The following NNT variants were observed in gnomAD, a reference collection of about 807,000 sequenced individuals.
NNT encodes NAD(P) transhydrogenase, mitochondrial.
A neutral mutation model predicts 104.8 loss-of-function variants in NNT; 50 were observed. The observed-to-expected ratio is 0.48, with a 90% confidence interval of 0.38 to 0.60. The LOEUF (loss-of-function observed/expected upper bound fraction) is 0.60, where lower values mean the gene tolerates loss of function less well. Ranked by LOEUF, NNT falls within the 20% of genes least tolerant of loss-of-function variation. The pLI, the probability that NNT is intolerant of heterozygous loss-of-function variation, is 0.00. For synonymous variants in NNT, 461 were observed against 490.4 expected (o/e 0.94, Z 0.79); for missense variants, 1,131 against 1,330.7 (o/e 0.85, Z 2.33).
chr5:43,692,166 TTA>T (rs1304215468), intron 19 of NNT, among the ~76,000 whole-genome samples: 1 of 151,880 alleles, frequency 6.6e-6, no homozygotes, highest in Non-Finnish European at 1.5e-5. Context: ...ATTGACGTAG[TTA>T]TCAAATAAAG....
In NNT at chr5:43,649,161, C is replaced by T; in HGVS notation, c.1459C>T (p.Leu487=). Residue 487 remains leucine (L), a synonymous_variant, in exon 11 of 22, where the codon CTG becomes TTG. Coordinates refer to ENST00000344920, the MANE Select transcript of NNT (RefSeq NM_182977.3). ...TCTTTCTCTAGGTCTCACAGGGATA[C>T]TGGGTTTGGGCATTGCGGCTCCCAA... ...SAYTAGLTGI[L]GLGIAAPNLA... is the part of the protein sequence containing the mutation. The T allele has an allele frequency of 6.2e-7, 1 of 1,614,120 alleles. No individual in the cohort carries two copies. The highest frequency in any genetic ancestry group is 8.5e-7 in the Non-Finnish European group (1 of 1,179,994).
chr5:43,675,455 T>A (rs957407761), intron 17 of NNT, 56 bp from the exon 18 acceptor site: 1 of 1,480,610 alleles, frequency 6.8e-7, no homozygotes, highest in Admixed American at 2.0e-5. Flanking sequence ...ACATTTGTAC[T>A]ATTCTCACAA....
intron 7 of NNT, among the ~76,000 whole-genome samples, chr5:43,634,541 C>CT (rs1162336931): frequency 2.0e-5 from 3 of 152,104 alleles, no homozygotes; most frequent in Non-Finnish European, 4.4e-5. Context: ...TTTTATATTA[C>CT]TTTTTTTGTT....
At chr5:43,642,770 A>C (rs1305524016) in intron 7 of NNT, among the ~76,000 whole-genome samples, 2 of 152,212 alleles carry the variant, frequency 1.3e-5, no homozygotes, top group African/African-American at 4.8e-5. Context: ...AGTACTACAT[A>C]AACACTTCAC....
chr5:43,661,945 T>G (rs1740391632), intron 17 of NNT, among the ~76,000 whole-genome samples: 1 of 152,120 alleles, frequency 6.6e-6, no homozygotes, highest in African/African-American at 2.4e-5. Flanking sequence ...GATGGCTGGG[T>G]CAAATGGTAT....
rs200587159 is a variant in NNT at position 43,616,039 on chromosome 5, G to A, written c.573G>A (p.Ala191=). 8 of 1,613,764 alleles carry A rather than the reference G, an allele frequency of 5.0e-6. No individual in the cohort carries two copies. The highest frequency in any genetic ancestry group is 2.2e-5 in the East Asian group (1 of 44,888). ...TCACAATTGCTCAGGGATATGATGCGCTAAGCTCCATGGCCAACATTGCGG... is the reference window on the plus strand; with the variant it reads ...TCACAATTGCTCAGGGATATGATGCACTAAGCTCCATGGCCAACATTGCGG... ...PRVTIAQGYD[A]LSSMANIAGY... Residue 191 remains alanine (A), a synonymous_variant, in exon 4 of 22, where the codon GCG becomes GCA. Transcript: ENST00000344920.
chr5:43,616,140 C>A lies in NNT; in HGVS notation c.599+75C>A, dbSNP rs543097571. ...AACCTTCACACTGTAGCTCTTCTGT[C>A]TTACAGTGATTTTATTTGTAATTAT... On this transcript the variant is annotated intron_variant, in intron 4 of 21. Coordinates refer to ENST00000344920, the MANE Select transcript of NNT (RefSeq NM_182977.3). 3 of 1,151,336 alleles carry A rather than the reference C, an allele frequency of 2.6e-6. No homozygotes were observed. In the South Asian group the frequency reaches 4.4e-5, roughly 17 times the overall value. 71.3% of individuals were successfully genotyped at this position (1,151,336 alleles called of 1,614,324 possible).
At chr5:43,657,217 A>G (rs1740102073) in intron 16 of NNT, among the ~76,000 whole-genome samples, 1 of 152,244 alleles carries the variant, frequency 6.6e-6, no homozygotes, top group Non-Finnish European at 1.5e-5. Flanking sequence ...TTGCTCTTAC[A>G]TCATTGGAAG....
chr5:43,665,819 C>G (rs1221969489), intron 17 of NNT, among the ~76,000 whole-genome samples: 2 of 89,766 alleles, frequency 2.2e-5, no homozygotes, highest in African/African-American at 5.5e-5. Flanking sequence ...GAGGCGCACC[C>G]CACCTCCTGG....
chr5:43,616,187 G>C lies in NNT; in HGVS notation c.599+122G>C, dbSNP rs1749777464. On this transcript the variant is annotated intron_variant, in intron 4 of 21. Transcript: ENST00000344920. ...TTATTGTTGGAGATTACAGCCTTTTGAGAGTGCATTTAAATTATTTTTGAC... is the reference window on the plus strand; with the variant it reads ...TTATTGTTGGAGATTACAGCCTTTTCAGAGTGCATTTAAATTATTTTTGAC... 8.9e-6 allele frequency: 7 copies of C among 784,168 alleles called. No individual in the cohort carries two copies. In the Middle Eastern group the frequency reaches 1.1e-3, roughly 118 times the overall value. 48.6% of individuals were successfully genotyped at this position (784,168 alleles called of 1,614,324 possible). A position where few individuals can be genotyped will look rare whatever the true frequency, so the allele number is the denominator to read the frequency against.
intron 19 of NNT, among the ~76,000 whole-genome samples, chr5:43,698,131 T>A (rs1228312659): frequency 6.6e-6 from 1 of 151,852 alleles, no homozygotes; most frequent in South Asian, 2.1e-4. Context: ...TATAACTTAT[T>A]TATCTGGCTT....
intron 19 of NNT, among the ~76,000 whole-genome samples, chr5:43,693,410 T>C (rs1328886755): frequency 6.6e-6 from 1 of 152,184 alleles, no homozygotes; most frequent in East Asian, 1.9e-4. Context: ...GCTGGAGAAA[T>C]TTTTTTCCAA....
intron 19 of NNT, among the ~76,000 whole-genome samples, chr5:43,693,717 T>A (rs551408582): frequency 3.9e-5 from 6 of 152,170 alleles, no homozygotes; most frequent in Admixed American, 2.6e-4. Context: ...TAAAAAAAAA[T>A]TAACTTAAGT....
intron 17 of NNT, among the ~76,000 whole-genome samples, chr5:43,668,854 T>C (rs997061885): frequency 1.3e-5 from 2 of 152,240 alleles, no homozygotes; most frequent in African/African-American, 4.8e-5. Flanking sequence ...GCATTGAATC[T>C]ATAAATTACC....
In NNT at chr5:43,653,064, G is replaced by A; in HGVS notation, c.1910G>A (p.Gly637Asp). 6.2e-7 allele frequency: 1 copy of A among 1,614,042 alleles called. No individual in the cohort carries two copies. The highest frequency in any genetic ancestry group is 8.5e-7 in the Non-Finnish European group (1 of 1,179,996). Residue 637 changes from glycine to aspartate, a missense_variant, in exon 14 of 22, where the codon GGC (glycine) becomes GAC (aspartate). By Grantham distance (94) the Gly-to-Asp change is moderately conservative (BLOSUM62 -1). Transcript: ENST00000344920. ...TTGTGCTGTGTCGGTGCCTTGGCTG[G>A]CCTCTCCACCCAGGGAACAGCACGT... ...SGLCCVGALA[G>D]LSTQGTARLG... is the part of the protein sequence containing the mutation.
intron 7 of NNT, among the ~76,000 whole-genome samples, chr5:43,639,412 G>C (rs1419161437): frequency 6.6e-6 from 1 of 152,114 alleles, no homozygotes; most frequent in African/African-American, 2.4e-5. Context: ...GAGATTCAAG[G>C]ATGCCTTACA....
intron 19 of NNT, among the ~76,000 whole-genome samples, chr5:43,692,387 G>A (rs113904455): frequency 0.063 from 9,510 of 151,970 alleles, 584 homozygotes; most frequent in African/African-American, 0.16. Context: ...GCAGTGGCGC[G>A]ATCCCAGCTC....
chr5:43,613,284 A>G (rs979041973), intron 3 of NNT, 147 bp downstream of exon 3: 3 of 622,644 alleles, frequency 4.8e-6, no homozygotes, highest in South Asian at 4.4e-5. Flanking sequence ...GCATGTCGTC[A>G]TATTCTTCAT....
At chr5:43,608,582 A>G (rs2111769195) in intron 1 of NNT, among the ~76,000 whole-genome samples, 3 of 152,186 alleles carry the variant, frequency 2.0e-5, no homozygotes, top group Middle Eastern at 6.8e-3. Context: ...GCAAACATGA[A>G]TCTTTTGTTC....
Sources: gnomAD v4.1 joint callset for allele counts (sites outside exome capture counted in the v4.1 genomes callset) on GRCh38, gnomAD v4.1.1 for gene constraint, MANE v1.5 for transcripts, NCBI Gene and HGNC (gene_info 2026-07-23, HGNC 2026-07-21) for gene names.